Variants in OCLN observed in about 807,000 individuals in gnomAD.
The protein encoded by OCLN is phosphatase 1, regulatory subunit 115.
A neutral mutation model predicts 47.9 loss-of-function variants in OCLN; 21 were observed. That is an observed-to-expected ratio of 0.44 (90% confidence interval 0.31 to 0.63). The LOEUF is 0.63. Among genes scored for constraint, OCLN ranks in the 30% least tolerant of loss-of-function variants. The pLI, the probability that OCLN is intolerant of heterozygous loss-of-function variation, is 0.08. For synonymous variants in OCLN, 117 were observed against 198.4 expected, an observed-to-expected ratio of 0.59 and a Z score of 3.45; for missense variants, 360 against 571.0, an observed-to-expected ratio of 0.63 and a Z score of 3.77.
chr5:69,517,316 T>A (rs59867135), intron 4 of OCLN, among the ~76,000 whole-genome samples: 1,573 of 32,896 alleles, frequency 0.048, 12 homozygotes, highest in East Asian at 0.15. Flanking sequence ...ATATATATAT[T>A]TTTTTTTTTT....
rs576620456 is a variant in OCLN at position 69,494,073 on chromosome 5, C to G, written c.-69+1173C>G. Among the ~76,000 whole-genome samples the G allele has an allele frequency of 6.6e-5, 10 of 152,280 alleles. No individual in the cohort carries two copies. In the East Asian group the frequency reaches 1.5e-3, roughly 23 times the overall value. ...GATACCTGGAAAAGAGAAACGTTTC[C>G]CATGAAGGCACTTATGGTGTTTTTT... On this transcript the variant is annotated intron_variant, in intron 1 of 8. Transcript: ENST00000396442.
At chr5:69,527,429 A>T (rs1769312855) in intron 4 of OCLN, among the ~76,000 whole-genome samples, 1 of 152,236 alleles carries the variant, frequency 6.6e-6, no homozygotes, top group African/African-American at 2.4e-5. Context: ...CTTGTGGAAC[A>T]GGGGTCAGTC....
chr5:69,505,821 T>A (rs900353733), intron 2 of OCLN, among the ~76,000 whole-genome samples: 1 of 152,230 alleles, frequency 6.6e-6, no homozygotes, highest in Non-Finnish European at 1.5e-5. Context: ...ACAACACATC[T>A]GTGACCTCTG....
At chr5:69,533,119 A>T (rs1279922690) in intron 4 of OCLN, among the ~76,000 whole-genome samples, 5 of 143,584 alleles carry the variant, frequency 3.5e-5, no homozygotes, top group Admixed American at 2.0e-4. Flanking sequence ...ATATATATAT[A>T]CACACACACA....
At chr5:69,495,253 G>A (rs923863871) in intron 1 of OCLN, among the ~76,000 whole-genome samples, 6 of 152,128 alleles carry the variant, frequency 3.9e-5, no homozygotes, top group Admixed American at 6.5e-5. Context: ...GCAGATTTAT[G>A]TTAGGCTTTT....
chr5:69,514,731 C>T (rs1031350052), intron 4 of OCLN, among the ~76,000 whole-genome samples: 2 of 152,112 alleles, frequency 1.3e-5, no homozygotes, highest in African/African-American at 4.8e-5. Context: ...TGACTCTTAA[C>T]GAGCATACTG....
intron 1 of OCLN, among the ~76,000 whole-genome samples, chr5:69,498,073 A>G (rs1464064269): frequency 6.6e-6 from 1 of 151,678 alleles, no homozygotes; most frequent in African/African-American, 2.4e-5. Flanking sequence ...CGGAGCTTGC[A>G]GTGAGCCGAG....
At chr5:69,538,863 G>T (rs1194035124) in intron 5 of OCLN, among the ~76,000 whole-genome samples, 4 of 125,168 alleles carry the variant, frequency 3.2e-5, no homozygotes, top group Non-Finnish European at 6.4e-5. Context: ...TTCATCATTT[G>T]TTTGAGATGC....
At chr5:69,496,847 T>G (rs1391452202) in intron 1 of OCLN, among the ~76,000 whole-genome samples, 1 of 152,210 alleles carries the variant, frequency 6.6e-6, no homozygotes, top group African/African-American at 2.4e-5. Context: ...CAAGGATCTA[T>G]CTGCTGCTTC....
rs1234212958 is a variant in OCLN, at chr5:69,533,106, C to CAT, written c.892-1587_892-1586insTA. On this transcript the variant is annotated intron_variant, in intron 4 of 8. Transcript: ENST00000396442. ...ATATATATACACACACACACACACACACATATATATATACACACACACACA... is the reference window on the plus strand; with the variant it reads ...ATATATATACACACACACACACACACATACATATATATATACACACACACACA... 5.1e-3 allele frequency among the ~76,000 whole-genome samples: 706 copies of CAT among 139,642 alleles called. 8 individuals carry two copies. The highest frequency in any genetic ancestry group is 0.02 in the African/African-American group (655 of 32,746). The allele number at this position is 139,642 out of a possible 152,430, so 91.6% of individuals were successfully genotyped here.
chr5:69,553,470 T>G, intron 8 of OCLN, 100 bp from the exon 9 acceptor site: 1 of 1,273,888 alleles, frequency 7.8e-7, no homozygotes, highest in Non-Finnish European at 1.1e-6. Context: ...TCCCAGCAAT[T>G]CTCTTGACTA....
chr5:69,532,409 T>A (rs550958047), intron 4 of OCLN, among the ~76,000 whole-genome samples: 7 of 152,318 alleles, frequency 4.6e-5, no homozygotes, highest in African/African-American at 1.7e-4. Context: ...ATGCCATTGA[T>A]CCTATCACAA....
chr5:69,510,456 C>T (rs1025620207), intron 3 of OCLN, among the ~76,000 whole-genome samples: 5 of 151,888 alleles, frequency 3.3e-5, no homozygotes, highest in Admixed American at 6.6e-5. Flanking sequence ...CTGAGGCGGG[C>T]GGATCATGAG....
At chr5:69,499,836 C>T (rs760258835) in intron 1 of OCLN, among the ~76,000 whole-genome samples, 3 of 152,216 alleles carry the variant, frequency 2.0e-5, no homozygotes, top group Admixed American at 6.5e-5. Context: ...CCACCCGCCT[C>T]GGCCTCCCAA....
At chr5:69,536,208 G>A (rs1356475978) in intron 5 of OCLN, among the ~76,000 whole-genome samples, 2 of 151,848 alleles carry the variant, frequency 1.3e-5, no homozygotes, top group Admixed American at 6.6e-5. Flanking sequence ...CTCTGGGTGA[G>A]TCAGGGAGTA....
chr5:69,522,929 T>C (rs937321640), intron 4 of OCLN, among the ~76,000 whole-genome samples: 1 of 110,630 alleles, frequency 9.0e-6, no homozygotes, highest in Non-Finnish European at 1.8e-5. Context: ...GAGTTCGCTA[T>C]GTCGCCCAGG....
chr5:69,502,005 C>G (rs1227941067), intron 1 of OCLN, among the ~76,000 whole-genome samples: 1 of 152,150 alleles, frequency 6.6e-6, no homozygotes, highest in Non-Finnish European at 1.5e-5. Context: ...TGACACCAGA[C>G]TGTGCAACAT....
intron 4 of OCLN, among the ~76,000 whole-genome samples, chr5:69,531,953 A>G (rs192158883): frequency 6.6e-6 from 1 of 152,326 alleles, no homozygotes; most frequent in Admixed American, 6.5e-5. Flanking sequence ...AAAATAATCC[A>G]AATAAAGGTC....
chr5:69,505,937 T>C (rs543392845), intron 2 of OCLN, among the ~76,000 whole-genome samples: 3 of 152,308 alleles, frequency 2.0e-5, no homozygotes, highest in African/African-American at 7.2e-5. Context: ...TCTGACACTG[T>C]CAGAGATAGC....
Sources: allele counts gnomAD v4.1 joint callset (sites outside exome capture counted in the v4.1 genomes callset), GRCh38; gene constraint gnomAD v4.1.1; transcripts MANE v1.5; gene names NCBI Gene and HGNC (gene_info 2026-07-23, HGNC 2026-07-21).